UNC79: variants seen among roughly 807,000 people sequenced by gnomAD.
UNC79 encodes the protein protein unc-79 homolog.
Under a neutral mutation model 283.1 loss-of-function variants are expected in UNC79, and 37 were observed. The ratio of observed to expected loss-of-function variants is 0.13; its 90% CI spans 0.10 to 0.17. The LOEUF (loss-of-function observed/expected upper bound fraction) is 0.17. UNC79 is among the 10% of genes least tolerant of loss of function. The probability of loss-of-function intolerance (pLI) is 1.00; values close to 1 mark genes in which losing one functional copy is unlikely to be tolerated. For missense variants in UNC79, 2,272 were observed against 3,211.1 expected (o/e 0.71, Z 7.07); for synonymous variants, 1,107 against 1,200.2 (o/e 0.92, Z 1.61).
chr14:93,336,402 C>T (rs542235615), intron 1 of UNC79, among the ~76,000 whole-genome samples: 14 of 152,012 alleles, frequency 9.2e-5, no homozygotes, highest in East Asian at 5.8e-4. Context: ...AGTGCAATGA[C>T]GCAATCTCAG....
intron 22 of UNC79, among the ~76,000 whole-genome samples, chr14:93,589,439 TG>T (rs2064493724): frequency 1.3e-5 from 2 of 150,592 alleles, no homozygotes; most frequent in African/African-American, 2.4e-5. Flanking sequence ...GGCTGGGGGA[TG>T]GGGGGGAAGT....
Position 93,690,958 on chromosome 14 carries a change from T to C in UNC79, c.7272+655T>C, listed in dbSNP as rs1005599929. 2.6e-5 allele frequency: 4 copies of C among 153,230 alleles called. No individual in the cohort carries two copies. The highest frequency in any genetic ancestry group is 9.6e-5 in the African/African-American group (4 of 41,452). 9.5% of individuals were successfully genotyped at this position (153,230 alleles called of 1,614,324 possible). A position where few individuals can be genotyped will look rare whatever the true frequency, so the allele number is the denominator to read the frequency against. On this transcript the variant is annotated intron_variant, in intron 45 of 48. Transcript: ENST00000555664. This position sits in a 1 kb window ranked among gnomAD's most constrained non-coding sequence, Gnocchi z 4.3. The stretch of plus-strand genomic sequence containing the variant: ...CTTCGGCAAGTTCTGGGAGGTCACA[T>C]TGGTCTTGGGGACAGCTCGGGTTTG...
intron 31 of UNC79, among the ~76,000 whole-genome samples, chr14:93,635,000 T>C (rs144472901): frequency 6.6e-6 from 1 of 152,228 alleles, no homozygotes; most frequent in Non-Finnish European, 1.5e-5. Context: ...ACGCCCCAAA[T>C]GAGGGAATAT....
intron 27 of UNC79, among the ~76,000 whole-genome samples, chr14:93,614,742 T>C (rs996850395): frequency 2.0e-5 from 3 of 152,162 alleles, no homozygotes; most frequent in Non-Finnish European, 4.4e-5. Context: ...GGCTTTTCCA[T>C]GTGCATCTGC....
At chr14:93,646,619 G>T in exon 35 of UNC79, 1 of 1,613,894 alleles carries the variant, frequency 6.2e-7, no homozygotes, top group South Asian at 1.1e-5. Flanking sequence ...TTGGCATCCA[G>T]TACTACCTTT....
At chr14:93,611,067 G>C (rs986553694) in intron 26 of UNC79, among the ~76,000 whole-genome samples, 2 of 152,240 alleles carry the variant, frequency 1.3e-5, no homozygotes, top group African/African-American at 4.8e-5. Flanking sequence ...GAAATAGGGT[G>C]TTCCACATAC....
chr14:93,467,806 A>C lies in UNC79; in HGVS notation c.143+15A>C, dbSNP rs917918902. 1 of 1,492,482 alleles carries C rather than the reference A, an allele frequency of 6.7e-7. No homozygotes were observed. Among genetic ancestry groups the C allele is most frequent in the Non-Finnish European group, 8.8e-7 (1 of 1,131,712 alleles). The allele number at this position is 1,492,482 out of a possible 1,614,324, so 92.5% of individuals were successfully genotyped here. ...ACCTTGTTAAGGTAAGCTTTACAATATCCTCTACTTTGAGAGAATTATTAG... is the reference window on the plus strand; with the variant it reads ...ACCTTGTTAAGGTAAGCTTTACAATCTCCTCTACTTTGAGAGAATTATTAG... On this transcript the variant is annotated intron_variant, in intron 2 of 48. Transcript: ENST00000555664.
intron 43 of UNC79, among the ~76,000 whole-genome samples, chr14:93,686,982 T>C (rs528940895): frequency 1.3e-5 from 2 of 152,322 alleles, no homozygotes; most frequent in East Asian, 3.9e-4. Context: ...TAGTACTTGC[T>C]CAAGTCACAC....
chr14:93,338,691 G>A (rs1011728175), intron 1 of UNC79, among the ~76,000 whole-genome samples: 1 of 152,140 alleles, frequency 6.6e-6, no homozygotes, highest in Non-Finnish European at 1.5e-5. Context: ...TGGATCTCTT[G>A]AGCCCAAGGG....
At chr14:93,635,070 A>G (rs536979697) in intron 31 of UNC79, among the ~76,000 whole-genome samples, 2 of 152,358 alleles carry the variant, frequency 1.3e-5, no homozygotes, top group South Asian at 2.1e-4. Flanking sequence ...ATCTGCCAGT[A>G]GGTTTGGGAA....
At chr14:93,601,542 G>A (rs1310788234) in intron 25 of UNC79, among the ~76,000 whole-genome samples, 1 of 152,172 alleles carries the variant, frequency 6.6e-6, no homozygotes, top group Non-Finnish European at 1.5e-5. Context: ...TTTTGCAATT[G>A]TGAATTGTGC....
rs1275422685 is a variant in UNC79 at position 93,474,581 on chromosome 14, C to T, written c.448+188C>T. Among the ~76,000 whole-genome samples, 1 of 152,046 alleles carries T rather than the reference C, an allele frequency of 6.6e-6. No individual in the cohort carries two copies. Among genetic ancestry groups the T allele is most frequent in the Non-Finnish European group, 1.5e-5 (1 of 68,016 alleles). ...ACTATTATTTTACACTGTTTTATTG[C>T]CAGAGGGATGTTATCCAAGTGGAGT... On this transcript the variant is annotated intron_variant, in intron 3 of 48. Coordinates refer to ENST00000555664, the Ensembl canonical transcript of UNC79. This position sits in a 1 kb window ranked among gnomAD's most constrained non-coding sequence, Gnocchi z 4.1.
At chr14:93,662,041 G>T (rs1388317415) in intron 39 of UNC79, among the ~76,000 whole-genome samples, 1 of 152,164 alleles carries the variant, frequency 6.6e-6, no homozygotes, top group African/African-American at 2.4e-5. Flanking sequence ...ACTTAAGAAA[G>T]CATATGGAAC....
chr14:93,619,051 C>A (rs2066935045), intron 29 of UNC79, among the ~76,000 whole-genome samples: 1 of 152,122 alleles, frequency 6.6e-6, no homozygotes, highest in South Asian at 2.1e-4. Flanking sequence ...TTGGAAAAAA[C>A]CAAGTGTCCA....
At chr14:93,439,678 T>C (rs1358953673) in intron 1 of UNC79, among the ~76,000 whole-genome samples, 2 of 152,160 alleles carry the variant, frequency 1.3e-5, no homozygotes, top group Non-Finnish European at 2.9e-5. Context: ...ATTGGTGTTA[T>C]CTGATCTTTA....
intron 14 of UNC79, among the ~76,000 whole-genome samples, chr14:93,563,894 A>G (rs2062716841): frequency 6.6e-6 from 1 of 152,180 alleles, no homozygotes; most frequent in Non-Finnish European, 1.5e-5. Context: ...TATATGCATC[A>G]GGTGTGAGGA....
At chr14:93,550,864 A>C (rs2061857484) in intron 14 of UNC79, among the ~76,000 whole-genome samples, 1 of 152,162 alleles carries the variant, frequency 6.6e-6, no homozygotes, top group Admixed American at 6.5e-5. Context: ...TACAGACCAC[A>C]GGCTCCTTGG....
At chr14:93,593,810 A>G in exon 23 of UNC79, 1 of 1,613,884 alleles carries the variant, frequency 6.2e-7, no homozygotes, top group Non-Finnish European at 8.5e-7. Context: ...TTTCAACAGC[A>G]AAGACTGGAA....
chr14:93,500,896 G>A (rs370657403), intron 7 of UNC79, among the ~76,000 whole-genome samples: 10 of 152,276 alleles, frequency 6.6e-5, no homozygotes, highest in African/African-American at 1.9e-4. Flanking sequence ...TATTGAAATG[G>A]CACTATAACC....
Sources: gnomAD v4.1 joint callset for allele counts (sites outside exome capture counted in the v4.1 genomes callset) on GRCh38, gnomAD v4.1.1 for gene constraint, Gnocchi (gnomAD v3.1) non-coding constraint, MANE v1.5 for transcripts, NCBI Gene and HGNC (gene_info 2026-07-23, HGNC 2026-07-21) for gene names.